PITPNC1: variants seen among roughly 807,000 people sequenced by gnomAD.
PITPNC1 encodes cytoplasmic phosphatidylinositol transfer protein 1.
A neutral mutation model predicts 44.7 loss-of-function variants in PITPNC1; 18 were observed. The ratio of observed to expected loss-of-function variants is 0.40; its 90% CI spans 0.28 to 0.60. PITPNC1 has a LOEUF of 0.60. Among genes scored for constraint, PITPNC1 ranks in the 20% least tolerant of loss-of-function variants. PITPNC1 has a pLI of 0.39. For synonymous variants in PITPNC1, 141 were observed against 149.6 expected, an observed-to-expected ratio of 0.94 and a Z score of 0.42; for missense variants, 290 against 418.4, an observed-to-expected ratio of 0.69 and a Z score of 2.68.
intron 5 of PITPNC1, among the ~76,000 whole-genome samples, chr17:67,628,275 G>C (rs2041920013): frequency 6.6e-6 from 1 of 152,048 alleles, no homozygotes; most frequent in Admixed American, 6.6e-5. Flanking sequence ...TAGCTCCCCA[G>C]TCTGTCTCTC....
chr17:67,448,746 A>G (rs2039135558), intron 1 of PITPNC1, among the ~76,000 whole-genome samples: 1 of 152,056 alleles, frequency 6.6e-6, no homozygotes, highest in African/African-American at 2.4e-5. Flanking sequence ...CATACTTACT[A>G]GGCTGGAGAG....
intron 6 of PITPNC1, among the ~76,000 whole-genome samples, chr17:67,655,038 C>T (rs906457449): frequency 3.9e-5 from 6 of 152,146 alleles, no homozygotes; most frequent in Admixed American, 3.9e-4. Flanking sequence ...GTAGGGGTGA[C>T]GTGTTAAACC....
chr17:67,672,272 GGCA>G (rs2042527900), intron 7 of PITPNC1, among the ~76,000 whole-genome samples: 1 of 151,840 alleles, frequency 6.6e-6, no homozygotes, highest in Admixed American at 6.6e-5. Flanking sequence ...TATTTAATAA[GGCA>G]GAGTTGTCAG....
At chr17:67,448,561 A>AAAATC (rs1283455898) in intron 1 of PITPNC1, among the ~76,000 whole-genome samples, 1 of 152,148 alleles carries the variant, frequency 6.6e-6, no homozygotes, top group African/African-American at 2.4e-5. Flanking sequence ...TACCTTGATT[A>AAAATC]ATCTCACCTC....
intron 4 of PITPNC1, among the ~76,000 whole-genome samples, chr17:67,577,807 C>A (rs920423923): frequency 6.6e-6 from 1 of 152,156 alleles, no homozygotes; most frequent in African/African-American, 2.4e-5. Flanking sequence ...AAGGCTGGGT[C>A]CCCAGGAATC....
intron 1 of PITPNC1, among the ~76,000 whole-genome samples, chr17:67,498,660 C>T (rs1422844288): frequency 6.6e-6 from 1 of 152,182 alleles, no homozygotes; most frequent in African/African-American, 2.4e-5. Context: ...ACAAGCTCAT[C>T]AATGGTGTGC....
intron 6 of PITPNC1, among the ~76,000 whole-genome samples, chr17:67,665,434 C>T (rs1205481826): frequency 6.6e-6 from 1 of 152,058 alleles, no homozygotes; most frequent in Non-Finnish European, 1.5e-5. Flanking sequence ...TCAAGTCTCT[C>T]GGGCAGATAT....
intron 1 of PITPNC1, among the ~76,000 whole-genome samples, chr17:67,502,044 A>G (rs143839558): frequency 1.3e-5 from 2 of 152,358 alleles, no homozygotes; most frequent in East Asian, 3.9e-4. Context: ...CTTTTGGTAC[A>G]TCATAAATTT....
chr17:67,479,860 A>G (rs926833033), intron 1 of PITPNC1, among the ~76,000 whole-genome samples: 1 of 152,184 alleles, frequency 6.6e-6, no homozygotes, highest in Non-Finnish European at 1.5e-5. Flanking sequence ...TTCTATTTCA[A>G]TGGTCTGCCT....
At chr17:67,542,041 T>C (rs2040616461) in intron 2 of PITPNC1, among the ~76,000 whole-genome samples, 1 of 152,184 alleles carries the variant, frequency 6.6e-6, no homozygotes, top group Non-Finnish European at 1.5e-5. Context: ...GGGTGGCTGG[T>C]TAAGTTGGAC....
At chr17:67,575,824 TTCC>T (rs1469079837) in intron 4 of PITPNC1, among the ~76,000 whole-genome samples, 16 of 73,350 alleles carry the variant, frequency 2.2e-4, no homozygotes, top group African/African-American at 7.5e-4. Context: ...CTTTCTTTCC[TTCC>T]TTCCTTCCTT....
chr17:67,643,005 G>A (rs1291759011), intron 6 of PITPNC1, among the ~76,000 whole-genome samples: 1 of 152,162 alleles, frequency 6.6e-6, no homozygotes, highest in Non-Finnish European at 1.5e-5. Context: ...CAAAATCAAG[G>A]CATATGAATT....
intron 8 of PITPNC1, among the ~76,000 whole-genome samples, chr17:67,679,775 G>A (rs951311005): frequency 6.6e-6 from 1 of 152,216 alleles, no homozygotes; most frequent in African/African-American, 2.4e-5. Context: ...CTCTCTGCAC[G>A]ACTAGAACGC....
intron 6 of PITPNC1, among the ~76,000 whole-genome samples, chr17:67,646,441 C>T (rs532699330): frequency 6.6e-6 from 1 of 152,302 alleles, no homozygotes; most frequent in South Asian, 2.1e-4. Context: ...ATTACTAGCT[C>T]ATTAGCTTGG....
intron 1 of PITPNC1, among the ~76,000 whole-genome samples, chr17:67,458,458 ATT>A (rs1215531644): frequency 6.6e-6 from 1 of 152,050 alleles, no homozygotes; most frequent in Non-Finnish European, 1.5e-5. Context: ...CTAATCTACT[ATT>A]TAATCTATCT....
chr17:67,541,819 A>G (rs1365202039), intron 2 of PITPNC1, among the ~76,000 whole-genome samples: 2 of 152,226 alleles, frequency 1.3e-5, no homozygotes, highest in Non-Finnish European at 1.5e-5. Context: ...GACCTCACTT[A>G]GCAGGACCAA....
At chr17:67,461,216 C>T (rs917479910) in intron 1 of PITPNC1, among the ~76,000 whole-genome samples, 5 of 152,216 alleles carry the variant, frequency 3.3e-5, no homozygotes, top group African/African-American at 1.2e-4. Flanking sequence ...GACCAGATTC[C>T]ACTGGTACTT....
chr17:67,599,030 ATATATTTTTT>A (rs1463075780), intron 5 of PITPNC1, among the ~76,000 whole-genome samples: 21 of 30,166 alleles, frequency 7.0e-4, no homozygotes, highest in African/African-American at 3.2e-3. Flanking sequence ...ATATATATAT[ATATATTTTTT>A]TTTTTTTTTT....
At chr17:67,554,493 G>A (rs1441569132) in intron 4 of PITPNC1, among the ~76,000 whole-genome samples, 1 of 152,002 alleles carries the variant, frequency 6.6e-6, no homozygotes, top group African/African-American at 2.4e-5. Flanking sequence ...CCTGACCTTA[G>A]GCGATCCGCC....
Sources: gnomAD v4.1 joint callset for allele counts (sites outside exome capture counted in the v4.1 genomes callset) on GRCh38, gnomAD v4.1.1 for gene constraint, MANE v1.5 for transcripts, NCBI Gene and HGNC (gene_info 2026-07-23, HGNC 2026-07-21) for gene names.